The following MPRIP variants were observed in gnomAD, a reference collection of about 807,000 sequenced individuals.
MPRIP encodes myosin phosphatase Rho interacting protein, also known as myosin phosphatase Rho-interacting protein.
MPRIP carries 59 observed loss-of-function variants against 234.9 expected under a neutral mutation model. That is an observed-to-expected ratio of 0.25 (90% CI 0.20 to 0.31). The LOEUF (loss-of-function observed/expected upper bound fraction) is 0.31. Ranked by LOEUF, MPRIP falls within the 10% of genes least tolerant of loss-of-function variation. MPRIP has a pLI of 1.00. For missense variants in MPRIP, 2,436 were observed against 3,071.0 expected (o/e 0.79, Z 4.89); for synonymous variants, 1,144 against 1,263.9 (o/e 0.91, Z 2.01).
intron 1 of MPRIP, among the ~76,000 whole-genome samples, chr17:17,054,945 G>C (rs1382081207): frequency 6.6e-6 from 1 of 152,022 alleles, no homozygotes. Flanking sequence ...CAGCTACTTG[G>C]GAGGCTGAGG....
rs1196537906 is a variant in MPRIP at position 17,164,942 on chromosome 17, G to A, written c.3351G>A (p.Leu1117=). Residue 1117 remains leucine (L), a synonymous_variant, in exon 16 of 24, where the codon CTG becomes CTA. Coordinates refer to ENST00000651222, the MANE Select transcript of MPRIP (RefSeq NM_001364716.4). ...RDLLRQRFQE[L]TERVATSDED... is the part of the protein sequence containing the mutation. The stretch of plus-strand genomic sequence containing the variant: ...TCCTCAGACAGCGGTTCCAGGAGCT[G>A]ACAGAGCGCGTGGCCACGTCCGACG... 1.5e-6 allele frequency: 2 copies of A among 1,303,818 alleles called. No individual in the cohort carries two copies. The highest frequency in any genetic ancestry group is 2.0e-6 in the Non-Finnish European group (2 of 988,862). The allele number at this position is 1,303,818 out of a possible 1,614,324, so 80.8% of individuals were successfully genotyped here. A position where few individuals can be genotyped will look rare whatever the true frequency, so the allele number is the denominator to read the frequency against.
intron 3 of MPRIP, among the ~76,000 whole-genome samples, chr17:17,080,105 T>A (rs1406565248): frequency 6.6e-6 from 1 of 152,228 alleles, no homozygotes; most frequent in African/African-American, 2.4e-5. Context: ...TTCTGGCAGA[T>A]GACCTGGGAG....
intron 1 of MPRIP, among the ~76,000 whole-genome samples, chr17:17,047,708 A>G (rs1216845461): frequency 1.3e-5 from 2 of 152,190 alleles, no homozygotes; most frequent in Non-Finnish European, 2.9e-5. Context: ...TACCTTTAAC[A>G]GAGATTGAGA....
chr17:17,070,704 A>T (rs1008766556), intron 1 of MPRIP, among the ~76,000 whole-genome samples: 1 of 152,184 alleles, frequency 6.6e-6, no homozygotes, highest in African/African-American at 2.4e-5. Context: ...TAAAATCTTT[A>T]AATGTGGGAT....
At chr17:17,128,111 A>T (rs2090528402) in intron 4 of MPRIP, among the ~76,000 whole-genome samples, 2 of 152,198 alleles carry the variant, frequency 1.3e-5, no homozygotes, top group East Asian at 1.9e-4. Flanking sequence ...GGGCCTAGAG[A>T]CAGGAGCCTG....
At chr17:17,075,893 T>G in intron 2 of MPRIP, 106 bp downstream of exon 2, 1 of 1,110,114 alleles carries the variant, frequency 9.0e-7, no homozygotes, top group Non-Finnish European at 1.3e-6. Context: ...CAGTGGATCC[T>G]GGGATAGCAG....
In MPRIP at chr17:17,167,978, C is replaced by T. The variant is rs1434914295; in HGVS notation, c.6324+63C>T. ...CTTGATAATGGGGTGGGTGTGGGGACGTCTGGCTCAGCTACCGTGCAGGCA... is the reference window on the plus strand; with the variant it reads ...CTTGATAATGGGGTGGGTGTGGGGATGTCTGGCTCAGCTACCGTGCAGGCA... On this transcript the variant is annotated intron_variant, in intron 16 of 23. Transcript: ENST00000651222. The surrounding 1 kb of genome is among the most constrained non-coding windows in gnomAD (Gnocchi z 5.9). 3.8e-5 allele frequency: 46 copies of T among 1,208,882 alleles called. No homozygotes were observed. Among genetic ancestry groups the T allele is most frequent in the South Asian group, 8.3e-5 (6 of 72,060 alleles). 74.9% of individuals were successfully genotyped at this position (1,208,882 alleles called of 1,614,324 possible).
intron 1 of MPRIP, chr17:17,057,532 C>T (rs2088738960): frequency 2.8e-6 from 2 of 706,772 alleles, no homozygotes; most frequent in East Asian, 5.4e-5. Flanking sequence ...GCCCACAGAG[C>T]CCCACAGTGG....
rs768529955 is a variant in MPRIP, at chr17:17,177,373, G to A, written c.7081G>A (p.Gly2361Arg). Residue 2361 changes from glycine to arginine, a missense_variant, in exon 22 of 24, where the codon GGG becomes AGG. This residue lies in a region of MPRIP where 1,998 missense variants were observed against 2,520.3 expected (regional missense o/e 0.79). Transcript: ENST00000651222. ...EQLKAATEAL[G>R]EKSPDSATVS... Reference sequence around the variant, plus strand: ...GCTCAAGGCTGCAACGGAAGCACTGGGGGAGAAGTCCCCTGACAGTGCCAC... The same window carrying A: ...GCTCAAGGCTGCAACGGAAGCACTGAGGGAGAAGTCCCCTGACAGTGCCAC... 1 of 1,613,742 alleles carries A rather than the reference G, an allele frequency of 6.2e-7. No homozygotes were observed. The highest frequency in any genetic ancestry group is 1.1e-5 in the South Asian group (1 of 91,084).
At chr17:17,173,850 G>A in intron 18 of MPRIP, 66 bp from the exon 19 acceptor site, 1 of 1,580,380 alleles carries the variant, frequency 6.3e-7, no homozygotes, top group Non-Finnish European at 8.7e-7. Flanking sequence ...TGTCAAGGAG[G>A]GACACCGGCC....
chr17:17,106,702 A>G (rs1226095449), intron 3 of MPRIP, among the ~76,000 whole-genome samples: 1 of 152,178 alleles, frequency 6.6e-6, no homozygotes, highest in Admixed American at 6.5e-5. Context: ...GGCTGAACAC[A>G]AGGAAAAAAG....
At position 17,111,709 on chromosome 17, in the gene MPRIP, C is replaced by T. The variant is rs373875500; in HGVS notation, c.268-14993C>T. ...AGGCAGCAGGACCAAGTGGGAACTG[C>T]GGACTGACTCAGCTGTTACGGGCGG... On this transcript the variant is annotated intron_variant, in intron 3 of 23. Transcript: ENST00000651222. Among the ~76,000 whole-genome samples, 34 of 152,296 alleles carry T rather than the reference C, an allele frequency of 2.2e-4. 1 individual carries two copies. The South Asian group carries it at 6.4e-3, about 29-fold the overall frequency.
intron 14 of MPRIP, among the ~76,000 whole-genome samples, chr17:17,160,452 C>G (rs2045838307): frequency 1.3e-5 from 2 of 152,212 alleles, no homozygotes; most frequent in Admixed American, 1.3e-4. Context: ...GACTGTCCAC[C>G]ACACACACAG....
intron 7 of MPRIP, chr17:17,142,402 C>T (rs1001912454): frequency 1.2e-5 from 6 of 502,376 alleles, no homozygotes; most frequent in Non-Finnish European, 2.1e-5. Flanking sequence ...GGGCCTCTAG[C>T]GCGGGGGCAG....
Position 17,158,495 on chromosome 17 carries a change from G to A in MPRIP, c.1893G>A (p.Glu631=). ...TTGAGACCTGCCCGAGGCCTACTGA[G>A]AAGCAAGAGGCAGAGCTGGGGGAGC... ...CSFETCPRPT[E]KQEAELGEPD... Residue 631 remains glutamate (E), a synonymous_variant, in exon 14 of 24, where the codon GAG becomes GAA. Coordinates refer to ENST00000651222, the MANE Select transcript of MPRIP (RefSeq NM_001364716.4). The A allele has an allele frequency of 6.2e-7, 1 of 1,610,490 alleles. No individual in the cohort carries two copies. Among genetic ancestry groups the A allele is most frequent in the Non-Finnish European group, 8.5e-7 (1 of 1,179,396 alleles).
chr17:17,176,292 G>T (rs765914269), intron 20 of MPRIP, 134 bp from the exon 21 acceptor site: 3 of 695,358 alleles, frequency 4.3e-6, no homozygotes, highest in Non-Finnish European at 7.8e-6. Context: ...AACGATGCTT[G>T]CCCGCATTGG....
At chr17:17,184,253 G>GT (rs1205305201) in intron 23 of MPRIP, among the ~76,000 whole-genome samples, 6 of 152,224 alleles carry the variant, frequency 3.9e-5, no homozygotes, top group African/African-American at 1.4e-4. Context: ...ATACGTTGGC[G>GT]TGTTCCCACA....
At chr17:17,072,102 C>A (rs951803021) in intron 1 of MPRIP, among the ~76,000 whole-genome samples, 1 of 152,202 alleles carries the variant, frequency 6.6e-6, no homozygotes, top group African/African-American at 2.4e-5. Context: ...GCCCCAGGAC[C>A]AGGTGGGCGT....
intron 1 of MPRIP, among the ~76,000 whole-genome samples, chr17:17,047,938 A>G (rs565598334): frequency 1.3e-5 from 2 of 152,176 alleles, no homozygotes; most frequent in Non-Finnish European, 2.9e-5. Flanking sequence ...GGGCAGGCAA[A>G]AGGGGAGCAG....
Sources: allele counts gnomAD v4.1 joint callset (sites outside exome capture counted in the v4.1 genomes callset), GRCh38; gene constraint gnomAD v4.1.1; regional missense constraint gnomAD v4.1.1; non-coding constraint Gnocchi (gnomAD v3.1); transcripts MANE v1.5; gene names NCBI Gene and HGNC (gene_info 2026-07-23, HGNC 2026-07-21).